The following LYRM4 variants were observed in gnomAD, a reference collection of about 807,000 sequenced individuals.
LYRM4 encodes the protein LYR motif containing 4.
Under a neutral mutation model 11.7 loss-of-function variants are expected in LYRM4, and 9 were observed. The observed-to-expected ratio is 0.77, with a 90% CI of 0.46 to 1.34. LYRM4 has a LOEUF of 1.34. Ranked by LOEUF, LYRM4 falls within the 40% of genes most tolerant of loss-of-function variation. The probability of loss-of-function intolerance (pLI) is 0.00; values close to 1 mark genes in which losing one functional copy is unlikely to be tolerated. For synonymous variants in LYRM4, 42 were observed against 40.4 expected (o/e 1.04, Z -0.15); for missense variants, 133 against 112.5 (o/e 1.18, Z -0.82).
intron 2 of LYRM4, among the ~76,000 whole-genome samples, chr6:5,110,240 T>G (rs771390192): frequency 6.7e-5 from 10 of 148,654 alleles, no homozygotes; most frequent in Non-Finnish European, 1.5e-4. Flanking sequence ...AGCAACTCTA[T>G]CTGGATTTCA....
intron 2 of LYRM4, among the ~76,000 whole-genome samples, chr6:5,124,828 G>A (rs1050352919): frequency 2.0e-5 from 3 of 152,188 alleles, no homozygotes; most frequent in Non-Finnish European, 2.9e-5. Context: ...GGATAAGGCC[G>A]CAGACCATGC....
At chr6:5,106,132 C>T (rs1383255910), downstream of LYRM4, 1 of 152,306 alleles carries the variant, frequency 6.6e-6, no homozygotes, top group Non-Finnish European at 1.5e-5. Context: ...TCTGGCAGCA[C>T]TCATATTTCC....
the LYRM4 span, among the ~76,000 whole-genome samples, chr6:5,072,579 T>G: frequency 1.3e-5 from 2 of 151,284 alleles, no homozygotes; most frequent in South Asian, 2.1e-4. Flanking sequence ...CATCAAAGTT[T>G]TTTTTTTTTT....
the LYRM4 span, among the ~76,000 whole-genome samples, chr6:5,037,947 C>G: frequency 3.7e-5 from 2 of 53,640 alleles, 1 homozygote. Context: ...GGGGGCTGAC[C>G]GCCCCCCACC....
chr6:5,163,276 T>G (rs768709647), intron 2 of LYRM4, among the ~76,000 whole-genome samples: 1 of 152,180 alleles, frequency 6.6e-6, no homozygotes, highest in Admixed American at 6.5e-5. Context: ...TCCCTTCAAA[T>G]AGCAATCCCA....
intron 2 of LYRM4, among the ~76,000 whole-genome samples, chr6:5,212,390 C>G (rs943035425): frequency 6.6e-6 from 1 of 152,176 alleles, no homozygotes; most frequent in Admixed American, 6.5e-5. Flanking sequence ...ACCTACGAAG[C>G]CTTGTTAATT....
At chr6:5,132,505 T>C (rs975420137) in intron 2 of LYRM4, among the ~76,000 whole-genome samples, 8 of 152,220 alleles carry the variant, frequency 5.3e-5, no homozygotes, top group East Asian at 1.9e-4. Context: ...GAAAATCCCA[T>C]GCTTTCAAAG....
At chr6:5,178,804 C>T (rs866184632) in intron 2 of LYRM4, among the ~76,000 whole-genome samples, 1 of 30,026 alleles carries the variant, frequency 3.3e-5, no homozygotes, top group South Asian at 2.9e-3. Flanking sequence ...GACTCTGTCT[C>T]AAAAAAAAAA....
intron 1 of LYRM4, among the ~76,000 whole-genome samples, chr6:5,256,491 G>GAAAAAAAAAAAAA (rs1161084364): frequency 2.3e-5 from 1 of 43,860 alleles, no homozygotes; most frequent in Admixed American, 3.4e-4. Context: ...ATTTCAACTG[G>GAAAAAAAAAAAAA]AAAAAAAAAA....
intron 2 of LYRM4, among the ~76,000 whole-genome samples, chr6:5,144,721 C>T (rs1195023801): frequency 6.8e-6 from 1 of 147,798 alleles, no homozygotes; most frequent in African/African-American, 2.5e-5. Flanking sequence ...GCCCCAGGAG[C>T]TGGGAAATCA....
chr6:5,251,574 T>G (rs1764430806), intron 1 of LYRM4, among the ~76,000 whole-genome samples: 1 of 152,122 alleles, frequency 6.6e-6, no homozygotes, highest in Non-Finnish European at 1.5e-5. Context: ...CCGGATCTCA[T>G]GAGAACTCAC....
At chr6:5,113,168 C>T (rs992193789) in intron 2 of LYRM4, 3 of 326,230 alleles carry the variant, frequency 9.2e-6, no homozygotes, top group South Asian at 6.7e-5. Context: ...GGTGCAGTGG[C>T]TTACGCCTAT....
chr6:5,234,454 A>G (rs537462364), intron 1 of LYRM4, among the ~76,000 whole-genome samples: 12 of 152,222 alleles, frequency 7.9e-5, no homozygotes, highest in Non-Finnish European at 7.3e-5. Context: ...TTGGGCACAT[A>G]TTACAAATTA....
the LYRM4 span, chr6:5,065,646 G>T: frequency 6.6e-6 from 1 of 152,624 alleles, no homozygotes; most frequent in Non-Finnish European, 1.5e-5. Flanking sequence ...ATATGCCAAT[G>T]ATATCAACTT....
chr6:5,222,553 G>A (rs1762637387), intron 1 of LYRM4, among the ~76,000 whole-genome samples: 1 of 151,930 alleles, frequency 6.6e-6, no homozygotes, highest in African/African-American at 2.4e-5. Flanking sequence ...GGGCCCAAGG[G>A]GACTGGTTTG....
At chr6:5,120,521 C>T (rs111678064) in intron 2 of LYRM4, among the ~76,000 whole-genome samples, 15 of 152,230 alleles carry the variant, frequency 9.9e-5, no homozygotes, top group African/African-American at 2.9e-4. Context: ...TTGTGGAGAG[C>T]GAAGGAACAA....
the LYRM4 span, among the ~76,000 whole-genome samples, chr6:5,082,664 A>G: frequency 6.6e-6 from 1 of 152,192 alleles, no homozygotes; most frequent in African/African-American, 2.4e-5. Context: ...TGTCCCCAGT[A>G]ATTTGCTCTT....
At position 5,148,478 on chromosome 6, in the gene LYRM4, G is replaced by GTATACGCCTTGAA. The variant is rs1757885292; in HGVS notation, c.208-38988_208-38987insTTCAAGGCGTATA. Among the ~76,000 whole-genome samples the GTATACGCCTTGAA allele has an allele frequency of 2.0e-5, 3 of 146,388 alleles. No homozygotes were observed. The South Asian group carries it at 6.5e-4, about 32-fold the overall frequency. ...CGTAATCCTGAGCTGGGCTGAGGGG[G>GTATACGCCTTGAA]CAGAGTTAGAACTCTGTATCGTAAT... On this transcript the variant is annotated intron_variant, in intron 2 of 2. Transcript: ENST00000330636.
At chr6:5,071,897 G>C in the LYRM4 span, among the ~76,000 whole-genome samples, 2 of 151,934 alleles carry the variant, frequency 1.3e-5, no homozygotes, top group South Asian at 2.1e-4. Flanking sequence ...TGCCCACCTC[G>C]GCCTCCCAAA....
Sources: gnomAD v4.1 joint callset for allele counts (sites outside exome capture counted in the v4.1 genomes callset) on GRCh38, gnomAD v4.1.1 for gene constraint, MANE v1.5 for transcripts, NCBI Gene and HGNC (gene_info 2026-07-23, HGNC 2026-07-21) for gene names.